AFG2A: variants seen among roughly 807,000 people sequenced by gnomAD.
AFG2A encodes AAA ATPase AFG2A, also known as ATPase family gene 2 protein homolog A.
the AFG2A span, among the ~76,000 whole-genome samples, chr4:123,259,021 C>T: frequency 6.6e-6 from 1 of 151,954 alleles, no homozygotes; most frequent in African/African-American, 2.4e-5. Context: ...CACCCACCAC[C>T]ACGCCCAGCT....
the AFG2A span, among the ~76,000 whole-genome samples, chr4:123,079,812 A>G: frequency 8.1e-6 from 1 of 122,866 alleles, no homozygotes; most frequent in Non-Finnish European, 1.6e-5. Flanking sequence ...TGCAGTGGCG[A>G]GGTCTCAGCT....
the AFG2A span, among the ~76,000 whole-genome samples, chr4:123,101,021 T>G: frequency 2.0e-5 from 3 of 151,986 alleles, no homozygotes; most frequent in Non-Finnish European, 4.4e-5. Context: ...TTGATTAATC[T>G]TCCCAACTTG....
chr4:122,965,686 T>C, the AFG2A span, among the ~76,000 whole-genome samples: 2 of 152,202 alleles, frequency 1.3e-5, no homozygotes. Flanking sequence ...AAAAATTAAC[T>C]CCAAAGTTAG....
At chr4:123,199,594 C>T in the AFG2A span, among the ~76,000 whole-genome samples, 3 of 151,262 alleles carry the variant, frequency 2.0e-5, no homozygotes, top group Non-Finnish European at 4.4e-5. Flanking sequence ...ACCTCAGCCT[C>T]CTGAGTAGCT....
chr4:123,294,898 C>T, the AFG2A span, among the ~76,000 whole-genome samples: 5 of 152,140 alleles, frequency 3.3e-5, no homozygotes, highest in Admixed American at 2.6e-4. Context: ...AGAAGCTAGT[C>T]CTAGCACATT....
At chr4:123,289,162 C>G in the AFG2A span, among the ~76,000 whole-genome samples, 13 of 152,070 alleles carry the variant, frequency 8.5e-5, no homozygotes, top group Non-Finnish European at 1.5e-5. Context: ...TTCTTTACCC[C>G]CACTCCCACC....
At chr4:123,128,437 A>G in the AFG2A span, among the ~76,000 whole-genome samples, 1 of 152,158 alleles carries the variant, frequency 6.6e-6, no homozygotes, top group Admixed American at 6.5e-5. Context: ...GGCTTTTGGT[A>G]ATTCTCTACA....
At chr4:123,067,763 T>A in the AFG2A span, among the ~76,000 whole-genome samples, 1 of 152,058 alleles carries the variant, frequency 6.6e-6, no homozygotes, top group African/African-American at 2.4e-5. Flanking sequence ...ATAATGGGAG[T>A]GAAGTTTCTT....
chr4:123,043,901 A>G, the AFG2A span, among the ~76,000 whole-genome samples: 1 of 152,178 alleles, frequency 6.6e-6, no homozygotes, highest in Admixed American at 6.6e-5. Flanking sequence ...AGCAGATATT[A>G]TTATTCTTTG....
At chr4:123,266,740 A>G in the AFG2A span, among the ~76,000 whole-genome samples, 1 of 151,896 alleles carries the variant, frequency 6.6e-6, no homozygotes, top group Non-Finnish European at 1.5e-5. Context: ...GTTTTTTTAT[A>G]AACTCCCTGT....
the AFG2A span, among the ~76,000 whole-genome samples, chr4:123,106,941 GCTGCATGGGGTGGGCAGCT>G: frequency 2.6e-5 from 4 of 152,272 alleles, no homozygotes; most frequent in Non-Finnish European, 5.9e-5. Context: ...CACACAAGCT[GCTGCATGGGGTGGGCAGCT>G]CCACACACTG....
At chr4:123,200,393 G>A in the AFG2A span, among the ~76,000 whole-genome samples, 281 of 152,264 alleles carry the variant, frequency 1.8e-3, 3 homozygotes, top group African/African-American at 6.1e-3. Context: ...GAGCCCAAGC[G>A]AATTTTATAT....
chr4:123,167,627 G>A, the AFG2A span, among the ~76,000 whole-genome samples: 1 of 152,282 alleles, frequency 6.6e-6, no homozygotes, highest in African/African-American at 2.4e-5. Context: ...GATTACAGGC[G>A]TGAGCCACTG....
At chr4:123,118,858 A>T in the AFG2A span, among the ~76,000 whole-genome samples, 1 of 152,148 alleles carries the variant, frequency 6.6e-6, no homozygotes, top group Non-Finnish European at 1.5e-5. Flanking sequence ...ATTTATGTTT[A>T]ATGATTTTAA....
At chr4:123,105,264 C>T in the AFG2A span, among the ~76,000 whole-genome samples, 37 of 152,262 alleles carry the variant, frequency 2.4e-4, no homozygotes, top group Non-Finnish European at 5.0e-4. Context: ...CATCTGTTTA[C>T]GGCACAGTTT....
the AFG2A span, among the ~76,000 whole-genome samples, chr4:123,209,863 A>T: frequency 2.6e-5 from 4 of 151,892 alleles, no homozygotes; most frequent in African/African-American, 9.7e-5. Context: ...TTATAACTGT[A>T]TCTCTTGTCC....
At chr4:123,126,661 C>T in the AFG2A span, among the ~76,000 whole-genome samples, 1 of 152,064 alleles carries the variant, frequency 6.6e-6, no homozygotes, top group African/African-American at 2.4e-5. Context: ...GGGGCTTTTC[C>T]CCTTTTGCTC....
At chr4:123,125,239 G>A in the AFG2A span, among the ~76,000 whole-genome samples, 2 of 152,190 alleles carry the variant, frequency 1.3e-5, no homozygotes, top group African/African-American at 4.8e-5. Context: ...CTTCTAGCTA[G>A]AAAGACAGTA....
the AFG2A span, among the ~76,000 whole-genome samples, chr4:122,978,991 T>G: frequency 6.6e-6 from 1 of 152,180 alleles, no homozygotes; most frequent in South Asian, 2.1e-4. Flanking sequence ...CAGCCATGGC[T>G]GGGCAGCTGC....
Sources: allele counts gnomAD v4.1 joint callset (sites outside exome capture counted in the v4.1 genomes callset), GRCh38; gene constraint gnomAD v4.1.1; transcripts MANE v1.5; gene names NCBI Gene and HGNC (gene_info 2026-07-23, HGNC 2026-07-21).